RELN: variants seen among roughly 807,000 people sequenced by gnomAD.
RELN encodes reelin.
Under a neutral mutation model 427.6 loss-of-function variants are expected in RELN, and 108 were observed. The ratio of observed to expected loss-of-function variants is 0.25; its 90% CI spans 0.22 to 0.30. The LOEUF (loss-of-function observed/expected upper bound fraction) is 0.30, where lower values mean the gene tolerates loss of function less well. Among genes scored for constraint, RELN ranks in the 10% least tolerant of loss-of-function variants. The pLI is 1.00. For synonymous variants in RELN, 1,524 were observed against 1,513.4 expected, an observed-to-expected ratio of 1.01 and a Z score of -0.16; for missense variants, 3,715 against 4,302.8, an observed-to-expected ratio of 0.86 and a Z score of 3.82.
At chr7:103,892,253 C>T (rs1287844189) in intron 2 of RELN, among the ~76,000 whole-genome samples, 1 of 152,102 alleles carries the variant, frequency 6.6e-6, no homozygotes, top group Non-Finnish European at 1.5e-5. Context: ...ATTCAGGAAC[C>T]GAATGACTAT....
chr7:103,547,298 A>G (rs1830318416), intron 41 of RELN, among the ~76,000 whole-genome samples: 1 of 152,168 alleles, frequency 6.6e-6, no homozygotes, highest in East Asian at 1.9e-4. Flanking sequence ...TCCTACATAT[A>G]TTTAACCCTA....
rs1563085047 is a variant in RELN at position 103,909,755 on chromosome 7, TAAATATATATA to T, written c.337+7309_337+7319del. ...TTTTAATATATATAAATATATATAT[TAAATATATATA>T]TTTAATATATATAAATATATATATT... On this transcript the variant is annotated intron_variant, in intron 2 of 64. Coordinates refer to ENST00000428762, the MANE Select transcript of RELN (RefSeq NM_005045.4). 4.6e-3 allele frequency among the ~76,000 whole-genome samples: 391 copies of T among 85,474 alleles called. 16 individuals are homozygous for T. The highest frequency in any genetic ancestry group is 0.011 in the South Asian group (34 of 3,040). The allele number at this position is 85,474 out of a possible 152,430, so 56.1% of individuals were successfully genotyped here.
Position 103,497,860 on chromosome 7 carries a change from G to A in RELN, c.8910C>T (p.Cys2970=), listed in dbSNP as rs1373719293. The A allele has an allele frequency of 1.9e-6, 3 of 1,613,964 alleles. No homozygotes were observed. Among genetic ancestry groups the A allele is most frequent in the Non-Finnish European group, 2.5e-6 (3 of 1,180,006 alleles). The change falls in exon 55 of 65, where the codon TGC becomes TGT. Residue 2970 remains cysteine, a synonymous_variant. Coordinates refer to ENST00000428762, the MANE Select transcript of RELN (RefSeq NM_005045.4). ...NNMTSCHRPI[C]RKEGVLLDYS... ...AGTCCAACAGCACGCCTTCCTTCCGGCAGATGGGACGATGGCAAGAGGTCA... is the reference window on the plus strand; with the variant it reads ...AGTCCAACAGCACGCCTTCCTTCCGACAGATGGGACGATGGCAAGAGGTCA...
At chr7:103,807,545 C>T (rs529002443) in intron 3 of RELN, among the ~76,000 whole-genome samples, 2 of 152,120 alleles carry the variant, frequency 1.3e-5, no homozygotes, top group African/African-American at 4.8e-5. Context: ...CTTGGTGTAC[C>T]AATGATCCCA....
intron 49 of RELN, among the ~76,000 whole-genome samples, chr7:103,516,160 G>T (rs535772065): frequency 2.0e-4 from 31 of 152,120 alleles, no homozygotes; most frequent in African/African-American, 7.0e-4. Flanking sequence ...GGTCTAAAAT[G>T]CCCTTTAATC....
chr7:103,690,484 T>C (rs1302900703), intron 10 of RELN, among the ~76,000 whole-genome samples: 6 of 152,116 alleles, frequency 3.9e-5, no homozygotes, highest in Non-Finnish European at 7.4e-5. Context: ...GCTATTCTAG[T>C]AACTGCAGAT....
chr7:103,943,907 A>G (rs1243865711), intron 1 of RELN, among the ~76,000 whole-genome samples: 3 of 151,126 alleles, frequency 2.0e-5, no homozygotes, highest in Non-Finnish European at 2.9e-5. Context: ...ACATCCATAG[A>G]TAACTGTTCC....
rs114250032 is a variant in RELN at position 103,583,247 on chromosome 7, A to G, written c.4145+6349T>C. Among the ~76,000 whole-genome samples the G allele has an allele frequency of 2.6e-3, 400 of 152,274 alleles. 2 individuals carry two copies. Among genetic ancestry groups the G allele is most frequent in the African/African-American group, 8.8e-3 (364 of 41,550 alleles). Reference sequence around the variant, plus strand: ...GGTCTTAGACTGAGCCATGCTACTGACATCTCAGGGTCTCCAACTTGCAGA... The same window carrying G: ...GGTCTTAGACTGAGCCATGCTACTGGCATCTCAGGGTCTCCAACTTGCAGA... On this transcript the variant is annotated intron_variant, in intron 28 of 64. Coordinates refer to ENST00000428762, the MANE Select transcript of RELN (RefSeq NM_005045.4).
At chr7:103,773,130 T>TTCTTTCTC (rs1554416539) in intron 4 of RELN, among the ~76,000 whole-genome samples, 18 of 98,058 alleles carry the variant, frequency 1.8e-4, no homozygotes, top group South Asian at 3.9e-4. Context: ...CTTTCTTTCT[T>TTCTTTCTC]TCTTTCTTTC....
chr7:103,599,734 T>C (rs1260250871), intron 24 of RELN, among the ~76,000 whole-genome samples: 1 of 152,110 alleles, frequency 6.6e-6, no homozygotes, highest in Non-Finnish European at 1.5e-5. Flanking sequence ...GGCATAATGG[T>C]AGGCAGTGGC....
At chr7:103,731,563 C>A (rs1346980323) in intron 6 of RELN, among the ~76,000 whole-genome samples, 5 of 152,080 alleles carry the variant, frequency 3.3e-5, no homozygotes, top group Non-Finnish European at 7.4e-5. Context: ...CAAGGTTACA[C>A]AGCTAGTCAA....
intron 64 of RELN, among the ~76,000 whole-genome samples, chr7:103,477,554 G>A (rs1468814203): frequency 2.6e-5 from 4 of 152,224 alleles, no homozygotes; most frequent in Non-Finnish European, 1.5e-5. Context: ...CTGCATAGAG[G>A]ATGCCACACA....
chr7:103,570,032 T>C (rs1271380727), intron 31 of RELN, among the ~76,000 whole-genome samples: 1 of 152,234 alleles, frequency 6.6e-6, no homozygotes, highest in Admixed American at 6.5e-5. Context: ...GTTCAAGGAT[T>C]TAAGCAGATT....
chr7:103,749,887 A>G (rs908730421), intron 5 of RELN, among the ~76,000 whole-genome samples: 2 of 152,134 alleles, frequency 1.3e-5, no homozygotes, highest in African/African-American at 4.8e-5. Flanking sequence ...TAATCCCCAT[A>G]TATCGTGGAA....
intron 6 of RELN, among the ~76,000 whole-genome samples, chr7:103,736,400 A>G (rs1790493316): frequency 6.6e-6 from 1 of 152,200 alleles, no homozygotes; most frequent in Non-Finnish European, 1.5e-5. Flanking sequence ...AGGAAAGTTC[A>G]TTGTATAAGA....
At chr7:103,709,929 G>C (rs1023484790) in intron 8 of RELN, among the ~76,000 whole-genome samples, 1 of 152,074 alleles carries the variant, frequency 6.6e-6, no homozygotes, top group Admixed American at 6.5e-5. Flanking sequence ...TCAAATAAAG[G>C]GAAGATAAGA....
chr7:103,544,433 G>A lies in RELN; in HGVS notation c.6523+691C>T, dbSNP rs546219273. Among the ~76,000 whole-genome samples, 16 of 151,674 alleles carry A rather than the reference G, an allele frequency of 1.1e-4. No individual in the cohort carries two copies. The South Asian group carries it at 3.3e-3, about 32-fold the overall frequency. On this transcript the variant is annotated intron_variant, in intron 42 of 64. Coordinates refer to ENST00000428762, the MANE Select transcript of RELN (RefSeq NM_005045.4). ...GTAGAGATGGGGTTTCACCACGTTG[G>A]CCAGGCTGGTCTCGAATTCCCGACC...
At position 103,953,274 on chromosome 7, in the gene RELN, A is replaced by G. The variant is rs73405626; in HGVS notation, c.226+35857T>C. On this transcript the variant is annotated intron_variant, in intron 1 of 64. Transcript: ENST00000428762. This position sits in a 1 kb window ranked among gnomAD's most constrained non-coding sequence, Gnocchi z 4.3. ...ATTGAAAAAGTTAAAATACTGCCCTACTTGAAACTCACAATAACAAGTGGA... is the reference window on the plus strand; with the variant it reads ...ATTGAAAAAGTTAAAATACTGCCCTGCTTGAAACTCACAATAACAAGTGGA... Among the ~76,000 whole-genome samples the G allele has an allele frequency of 7.4e-3, 1,128 of 152,340 alleles. 10 individuals carry two copies. The highest frequency in any genetic ancestry group is 0.026 in the African/African-American group (1,089 of 41,566).
intron 49 of RELN, among the ~76,000 whole-genome samples, chr7:103,517,383 C>G (rs2117081007): frequency 6.6e-6 from 1 of 152,258 alleles, no homozygotes; most frequent in Non-Finnish European, 1.5e-5. Context: ...TCTTTGACCA[C>G]ATTTTAAAAA....
Sources: gnomAD v4.1 joint callset for allele counts (sites outside exome capture counted in the v4.1 genomes callset) on GRCh38, gnomAD v4.1.1 for gene constraint, Gnocchi (gnomAD v3.1) non-coding constraint, MANE v1.5 for transcripts, NCBI Gene and HGNC (gene_info 2026-07-23, HGNC 2026-07-21) for gene names.